Variants in GRHL3 observed in about 807,000 individuals in gnomAD.
GRHL3 encodes the protein grainyhead-like protein 3 homolog.
A neutral mutation model predicts 70.3 loss-of-function variants in GRHL3; 20 were observed. That is an observed-to-expected ratio of 0.28 (90% CI 0.20 to 0.41). GRHL3 has a LOEUF of 0.41. Among genes scored for constraint, GRHL3 ranks in the 10% least tolerant of loss-of-function variants. The pLI is 1.00. For synonymous variants in GRHL3, 299 were observed against 299.9 expected, an observed-to-expected ratio of 1.00 and a Z score of 0.03; for missense variants, 637 against 762.3, an observed-to-expected ratio of 0.84 and a Z score of 1.94.
At chr1:24,349,165 G>C (rs1321805169) in intron 14 of GRHL3, among the ~76,000 whole-genome samples, 4 of 152,206 alleles carry the variant, frequency 2.6e-5, no homozygotes, top group Admixed American at 2.6e-4. Flanking sequence ...GGATGTGCCT[G>C]CCCCAGAGGA....
downstream of GRHL3, among the ~76,000 whole-genome samples, chr1:24,359,033 T>TG (rs1411461010): frequency 6.6e-6 from 1 of 152,182 alleles, no homozygotes; most frequent in Non-Finnish European, 1.5e-5. This position sits in a 1 kb window ranked among gnomAD's most constrained non-coding sequence, Gnocchi z 5.3. Flanking sequence ...GAGCAGGGCT[T>TG]GGGAACTGTA....
intron 12 of GRHL3, among the ~76,000 whole-genome samples, chr1:24,345,328 TCTGTACCATGCCCA>T (rs1468320959): frequency 1.6e-5 from 2 of 125,942 alleles, no homozygotes; most frequent in African/African-American, 3.1e-5. Context: ...ACCTGTGCCC[TCTGTACCATGCCCA>T]CTGTACCATG....
intron 8 of GRHL3, 59 bp downstream of exon 8, chr1:24,339,821 G>C: frequency 1.8e-6 from 2 of 1,126,208 alleles, no homozygotes; most frequent in Non-Finnish European, 2.6e-6. Flanking sequence ...CCCTATTCTG[G>C]GGTAGAGGCT....
chr1:24,358,550 A>T, downstream of GRHL3: 2 of 1,613,438 alleles, frequency 1.2e-6, no homozygotes. Flanking sequence ...TCCCTACAGA[A>T]CCGGGATCCA....
At chr1:24,346,479 GA>G in intron 12 of GRHL3, 73 bp from the exon 13 acceptor site, 1 of 961,754 alleles carries the variant, frequency 1.0e-6, no homozygotes, top group Non-Finnish European at 1.7e-6. Context: ...AGGGCCCCTG[GA>G]GGCCCAGCAG....
intron 1 of GRHL3, among the ~76,000 whole-genome samples, chr1:24,320,097 T>C (rs1639124070): frequency 6.6e-6 from 1 of 152,226 alleles, no homozygotes; most frequent in Admixed American, 6.5e-5. Flanking sequence ...CCAGGCTCTG[T>C]CCCTGGGTGA....
In GRHL3 at chr1:24,364,192, TCTCTC is replaced by T; in HGVS notation, c.1706_1710del (p.Leu569ProfsTer11). Reference sequence around the variant, plus strand: ...GTTCTCACTTTCTTCCAGGGAAACTTCTCTCCTCCACCCACGCCTGTCTCGCCACC... The same window carrying T: ...GTTCTCACTTTCTTCCAGGGAAACTTCTCCACCCACGCCTGTCTCGCCACC... On this transcript the variant is annotated frameshift_variant, in exon 16 of 16. Transcript: ENST00000350501. LOFTEE classifies it low-confidence loss of function (END_TRUNC). 6.7e-7 allele frequency: 1 copy of T among 1,497,554 alleles called. No individual in the cohort carries two copies. The highest frequency in any genetic ancestry group is 8.9e-7 in the Non-Finnish European group (1 of 1,122,712). The allele number at this position is 1,497,554 out of a possible 1,614,324, so 92.8% of individuals were successfully genotyped here.
chr1:24,329,564 T>A (rs1250177871), intron 1 of GRHL3, among the ~76,000 whole-genome samples: 1 of 152,218 alleles, frequency 6.6e-6, no homozygotes, highest in African/African-American at 2.4e-5. Context: ...AGCTGGATGA[T>A]CTTGGACATT....
intron 14 of GRHL3, among the ~76,000 whole-genome samples, chr1:24,347,864 G>A (rs1267088030): frequency 6.6e-6 from 1 of 152,148 alleles, no homozygotes; most frequent in East Asian, 1.9e-4. Context: ...GTTTTAATGG[G>A]AATGGAACCC....
At position 24,334,631 on chromosome 1, in the gene GRHL3, T is replaced by C. The variant is rs747440769; in HGVS notation, c.205-14T>C. On this transcript the variant is annotated splice_polypyrimidine_tract_variant and intron_variant, in intron 2 of 15. Coordinates refer to ENST00000361548, the MANE Select transcript of GRHL3 (RefSeq NM_198173.3). This position sits in a 1 kb window ranked among gnomAD's most constrained non-coding sequence, Gnocchi z 4.3. ...GCTTAGCCATGCATAAATCCTTCCT[T>C]TCTCTCTTCTCAGGGTCCCAAGGAG... 5.0e-6 allele frequency: 8 copies of C among 1,607,086 alleles called. No homozygotes were observed. Among genetic ancestry groups the C allele is most frequent in the African/African-American group, 1.3e-5 (1 of 74,830 alleles).
intron 7 of GRHL3, among the ~76,000 whole-genome samples, chr1:24,338,538 G>A (rs1639915502): frequency 6.6e-6 from 1 of 152,238 alleles, no homozygotes. Context: ...GGGAGGCACA[G>A]CCCGCCCTCA....
chr1:24,343,970 G>T (rs1000307223), intron 11 of GRHL3, among the ~76,000 whole-genome samples: 3 of 152,168 alleles, frequency 2.0e-5, no homozygotes, highest in African/African-American at 7.2e-5. Flanking sequence ...TGGGAGCTGC[G>T]CTGTGGCCCC....
At chr1:24,349,108 C>T (rs1640402922) in intron 14 of GRHL3, among the ~76,000 whole-genome samples, 2 of 152,138 alleles carry the variant, frequency 1.3e-5, no homozygotes, top group Non-Finnish European at 2.9e-5. Flanking sequence ...GTAAGAGTGG[C>T]CTGTTCGAAG....
downstream of GRHL3, among the ~76,000 whole-genome samples, chr1:24,356,282 G>A (rs188005602): frequency 2.9e-3 from 422 of 146,008 alleles, 2 homozygotes; most frequent in African/African-American, 9.9e-3. Flanking sequence ...TGGCTCTGTC[G>A]CCCAGGCTGG....
At chr1:24,335,209 AGAGGGAGACCTGTGTTGGGG>A (rs983219947) in intron 3 of GRHL3, among the ~76,000 whole-genome samples, 4 of 152,114 alleles carry the variant, frequency 2.6e-5, no homozygotes, top group East Asian at 1.9e-4. Flanking sequence ...AGCCTCTGGG[AGAGGGAGACCTGTGTTGGGG>A]GAGGGAGACC....
intron 1 of GRHL3, 46 bp from the exon 2 acceptor site, chr1:24,331,380 C>T (rs746944198): frequency 1.0e-5 from 16 of 1,540,426 alleles, no homozygotes; most frequent in Non-Finnish European, 1.4e-5. Context: ...ATTCACGGAC[C>T]TTCCTCTGGG....
rs1639724032 is a variant in GRHL3, at chr1:24,334,571, G to A, written c.205-74G>A. On this transcript the variant is annotated intron_variant, in intron 2 of 15. Transcript: ENST00000361548. This position sits in a 1 kb window ranked among gnomAD's most constrained non-coding sequence, Gnocchi z 4.3. ...AAAGTTACTCCCCTGCCTGGCCAAA[G>A]CTGCAGGAGGGGATTGAGGCTCCTA... 8.2e-7 allele frequency: 1 copy of A among 1,224,116 alleles called. No individual in the cohort carries two copies. Among genetic ancestry groups the A allele is most frequent in the Non-Finnish European group, 1.2e-6 (1 of 835,748 alleles). The allele number at this position is 1,224,116 out of a possible 1,614,324, so 75.8% of individuals were successfully genotyped here. A position where few individuals can be genotyped will look rare whatever the true frequency, so the allele number is the denominator to read the frequency against.
Position 24,331,540 on chromosome 1 carries a change from A to G in GRHL3, c.132A>G (p.Thr44=). The G allele has an allele frequency of 6.2e-7, 1 of 1,614,174 alleles. No homozygotes were observed. Among genetic ancestry groups the G allele is most frequent in the Non-Finnish European group, 8.5e-7 (1 of 1,180,020 alleles). Residue 44 remains threonine (T), a synonymous_variant, in exon 2 of 16, where the codon ACA becomes ACG. Coordinates refer to ENST00000361548, the MANE Select transcript of GRHL3 (RefSeq NM_198173.3). Reference sequence around the variant, plus strand: ...TAGAAAACCCGTTGACAGCTGCCACAAAGGCCATGATGAGAGTCAATGGAG... The same window carrying G: ...TAGAAAACCCGTTGACAGCTGCCACGAAGGCCATGATGAGAGTCAATGGAG... The part of the protein sequence containing the change: ...TYLENPLTAA[T]KAMMRVNGDD...
rs533568320 is a variant in GRHL3, at chr1:24,321,064, T to C, written c.17+1496T>C. ...TCCCAAACCTCTTGCTATTTTTCCA[T>C]ACTTTGAACGCGCAAAAAAATCTTG... On this transcript the variant is annotated intron_variant, in intron 1 of 15. Coordinates refer to ENST00000361548, the MANE Select transcript of GRHL3 (RefSeq NM_198173.3). The surrounding 1 kb of genome is among the most constrained non-coding windows in gnomAD (Gnocchi z 4.0). Among the ~76,000 whole-genome samples the C allele has an allele frequency of 3.5e-4, 53 of 152,342 alleles. No homozygotes were observed. Among genetic ancestry groups the C allele is most frequent in the African/African-American group, 1.1e-3 (47 of 41,576 alleles).
Sources: gnomAD v4.1 joint callset for allele counts (sites outside exome capture counted in the v4.1 genomes callset) on GRCh38, gnomAD v4.1.1 for gene constraint, Gnocchi (gnomAD v3.1) non-coding constraint, MANE v1.5 for transcripts, NCBI Gene and HGNC (gene_info 2026-07-23, HGNC 2026-07-21) for gene names.